FGF14: variants seen among roughly 807,000 people sequenced by gnomAD.
FGF14 encodes the protein fibroblast growth factor homologous factor 4.
A neutral mutation model predicts 25.5 loss-of-function variants in FGF14; 5 were observed. The ratio of observed to expected loss-of-function variants is 0.20; its 90% confidence interval spans 0.10 to 0.41. The LOEUF (loss-of-function observed/expected upper bound fraction) is 0.41. Among genes scored for constraint, FGF14 ranks in the 10% least tolerant of loss-of-function variants. FGF14 has a pLI of 1.00. For missense variants in FGF14, 222 were observed against 320.1 expected (o/e 0.69, Z 2.34); for synonymous variants, 138 against 118.3 (o/e 1.17, Z -1.08).
At chr13:101,967,207 C>A (rs559506586) in intron 1 of FGF14, among the ~76,000 whole-genome samples, 11 of 152,258 alleles carry the variant, frequency 7.2e-5, no homozygotes, top group African/African-American at 2.6e-4. Context: ...CCAAACCTAC[C>A]GAATCAAAGT....
chr13:102,055,351 T>C (rs1051407532), intron 1 of FGF14, among the ~76,000 whole-genome samples: 3 of 152,190 alleles, frequency 2.0e-5, no homozygotes, highest in African/African-American at 7.2e-5. Context: ...CTGTGAAACG[T>C]TTATTGCTTT....
chr13:101,735,163 G>C (rs1363291315), intron 3 of FGF14, among the ~76,000 whole-genome samples: 2 of 152,106 alleles, frequency 1.3e-5, no homozygotes, highest in East Asian at 1.9e-4. Flanking sequence ...AAGTCCTGCC[G>C]AGATCTACAG....
chr13:102,094,532 T>G (rs1214049528), intron 1 of FGF14, among the ~76,000 whole-genome samples: 4 of 152,150 alleles, frequency 2.6e-5, no homozygotes, highest in African/African-American at 9.7e-5. Flanking sequence ...AAAGGACATT[T>G]CTTAGTAATG....
chr13:101,737,282 G>A (rs1236321357), intron 3 of FGF14, among the ~76,000 whole-genome samples: 2 of 151,988 alleles, frequency 1.3e-5, no homozygotes, highest in Admixed American at 1.3e-4. Context: ...GGGAGTGGAG[G>A]TGAAGGAAGA....
Position 102,145,562 on chromosome 13 carries a change from T to A in FGF14, c.208+255909A>T, listed in dbSNP as rs80198972. Among the ~76,000 whole-genome samples, 391 of 152,330 alleles carry A rather than the reference T, an allele frequency of 2.6e-3. 1 individual carries two copies. Among genetic ancestry groups the A allele is most frequent in the African/African-American group, 8.9e-3 (370 of 41,582 alleles). ...TCGTACTGACTTATGTTAAATCATA[T>A]AATCCATGCCTATTTTAAATATGCA... On this transcript the variant is annotated intron_variant, in intron 1 of 4. Coordinates refer to the FGF14 transcript ENST00000376131.
At chr13:102,114,618 G>A (rs1187144131) in intron 1 of FGF14, among the ~76,000 whole-genome samples, 1 of 152,182 alleles carries the variant, frequency 6.6e-6, no homozygotes, top group Non-Finnish European at 1.5e-5. Context: ...AATGGATAAA[G>A]TGTGGTGCAC....
rs576950071 is a variant in FGF14 at position 101,973,752 on chromosome 13, C to T, written c.209-98456G>A. On this transcript the variant is annotated intron_variant, in intron 1 of 4. Coordinates refer to the FGF14 transcript ENST00000376131. The stretch of plus-strand genomic sequence containing the variant: ...CCCTCCCAGATTAAGGGTGGGTCTG[C>T]CTTTCCCAGCCCACTGACTCAAATG... Among the ~76,000 whole-genome samples, 349 of 152,288 alleles carry T rather than the reference C, an allele frequency of 2.3e-3. 2 individuals are homozygous for T. Among genetic ancestry groups the T allele is most frequent in the African/African-American group, 7.9e-3 (328 of 41,558 alleles).
At chr13:101,771,585 C>T (rs1180322846) in intron 3 of FGF14, among the ~76,000 whole-genome samples, 1 of 152,054 alleles carries the variant, frequency 6.6e-6, no homozygotes, top group African/African-American at 2.4e-5. Flanking sequence ...GGCAAATACA[C>T]ATCTGGATGC....
intron 1 of FGF14, among the ~76,000 whole-genome samples, chr13:102,137,996 G>C (rs1375192002): frequency 6.7e-6 from 1 of 149,474 alleles, no homozygotes; most frequent in South Asian, 2.2e-4. Context: ...CCTTGTGAGG[G>C]AAAGTGGACC....
At chr13:101,947,345 G>C (rs1291228939) in intron 1 of FGF14, among the ~76,000 whole-genome samples, 1 of 152,118 alleles carries the variant, frequency 6.6e-6, no homozygotes, top group Non-Finnish European at 1.5e-5. Context: ...TACACCCAAA[G>C]GAAAATAAAT....
chr13:102,103,962 C>A (rs1039293005), intron 1 of FGF14, among the ~76,000 whole-genome samples: 2 of 152,304 alleles, frequency 1.3e-5, no homozygotes, highest in Admixed American at 1.3e-4. Flanking sequence ...GCTTCAGGGA[C>A]CTTCTCACTT....
At chr13:101,727,912 C>T (rs1288935027) in intron 3 of FGF14, among the ~76,000 whole-genome samples, 1 of 152,036 alleles carries the variant, frequency 6.6e-6, no homozygotes, top group Non-Finnish European at 1.5e-5. Flanking sequence ...AAAATATACA[C>T]AAAGTTTTCA....
intron 1 of FGF14, among the ~76,000 whole-genome samples, chr13:102,237,480 G>A (rs936764787): frequency 5.9e-5 from 9 of 151,788 alleles, no homozygotes; most frequent in Non-Finnish European, 1.3e-4. Context: ...AGTGGTGAAT[G>A]TCACAGCTCA....
chr13:102,306,520 G>A (rs1231647179), intron 1 of FGF14, among the ~76,000 whole-genome samples: 2 of 152,146 alleles, frequency 1.3e-5, no homozygotes, highest in African/African-American at 4.8e-5. Flanking sequence ...CATGACCTTG[G>A]AGTTTGGTCT....
At chr13:102,170,987 T>G (rs1438751003) in intron 1 of FGF14, among the ~76,000 whole-genome samples, 1 of 152,138 alleles carries the variant, frequency 6.6e-6, no homozygotes, top group Non-Finnish European at 1.5e-5. Flanking sequence ...CAATGAAAGC[T>G]TAAAAATGAA....
chr13:102,189,000 GAAAGAAAGAGAAAGAATGAAAGAAGAAA>G (rs2048997414), intron 1 of FGF14, among the ~76,000 whole-genome samples: 3 of 77,482 alleles, frequency 3.9e-5, no homozygotes, highest in African/African-American at 1.3e-4. Context: ...AAGAAAGAAA[GAAAGAAAGAGAAAGAATGAAAGAAGAAA>G]AGAAAGAAAG....
At chr13:101,770,120 A>T (rs908168706) in intron 3 of FGF14, among the ~76,000 whole-genome samples, 1 of 120,064 alleles carries the variant, frequency 8.3e-6, no homozygotes, top group African/African-American at 2.7e-5. Flanking sequence ...AGAGTGCTGT[A>T]AAAACATAAA....
At chr13:102,352,681 G>A (rs2057320441) in intron 1 of FGF14, among the ~76,000 whole-genome samples, 1 of 151,960 alleles carries the variant, frequency 6.6e-6, no homozygotes, top group African/African-American at 2.4e-5. Flanking sequence ...GGGCGGTGGT[G>A]GGCGCCTGTA....
intron 1 of FGF14, among the ~76,000 whole-genome samples, chr13:102,123,832 T>C (rs1475904410): frequency 6.6e-6 from 1 of 152,144 alleles, no homozygotes; most frequent in African/African-American, 2.4e-5. Flanking sequence ...GAAACAATAG[T>C]CATTTACGTG....
Sources: gnomAD v4.1 joint callset for allele counts (sites outside exome capture counted in the v4.1 genomes callset) on GRCh38, gnomAD v4.1.1 for gene constraint, MANE v1.5 for transcripts, NCBI Gene and HGNC (gene_info 2026-07-23, HGNC 2026-07-21) for gene names.